PPP1R9A: variants seen among roughly 807,000 people sequenced by gnomAD.
The protein encoded by PPP1R9A is protein phosphatase 1 regulatory subunit 9A, also known as neurabin-1.
A neutral mutation model predicts 141.9 loss-of-function variants in PPP1R9A; 59 were observed. The observed-to-expected ratio is 0.42, with a 90% confidence interval of 0.34 to 0.52. The LOEUF is 0.52. PPP1R9A is among the 20% of genes least tolerant of loss of function. PPP1R9A has a pLI of 0.10. For missense variants in PPP1R9A, 1,444 were observed against 1,611.9 expected (o/e 0.90, Z 1.78); for synonymous variants, 500 against 569.7 (o/e 0.88, Z 1.74).
chr7:95,053,927 T>C (rs1419643484), intron 2 of PPP1R9A, among the ~76,000 whole-genome samples: 1 of 152,044 alleles, frequency 6.6e-6, no homozygotes, highest in Non-Finnish European at 1.5e-5. Flanking sequence ...CTATTGAAGA[T>C]AGGAAAGATC....
At chr7:95,027,457 T>C (rs1807036551) in intron 2 of PPP1R9A, among the ~76,000 whole-genome samples, 1 of 152,116 alleles carries the variant, frequency 6.6e-6, no homozygotes, top group Non-Finnish European at 1.5e-5. Flanking sequence ...TGTACCTCGG[T>C]TGGAAATGCA....
At position 95,284,294 on chromosome 7, in the gene PPP1R9A, T is replaced by G; in HGVS notation, c.3573T>G (p.Ser1191=). The stretch of plus-strand genomic sequence containing the variant: ...CTTCTTCAATCTTTGGAAGGCATTC[T>G]CAACTTATGTCTGTAGTCTGGATCC... ...PSSSSIFGRH[S]QLMSVVWIQE... The change falls in exon 17 of 20, where the codon TCT becomes TCG. Residue 1191 remains serine (S), a synonymous_variant. Coordinates refer to ENST00000433360, the MANE Select transcript of PPP1R9A (RefSeq NM_001166160.2). 1.3e-6 allele frequency: 2 copies of G among 1,549,370 alleles called. No homozygotes were observed. The highest frequency in any genetic ancestry group is 1.8e-6 in the Non-Finnish European group (2 of 1,141,796).
At chr7:95,059,917 T>C (rs1811996742) in intron 2 of PPP1R9A, among the ~76,000 whole-genome samples, 2 of 152,146 alleles carry the variant, frequency 1.3e-5, no homozygotes, top group Admixed American at 1.3e-4. Context: ...CATCAAGGAC[T>C]CTGAAAAATG....
intron 12 of PPP1R9A, among the ~76,000 whole-genome samples, chr7:95,261,651 G>A (rs1043525377): frequency 6.6e-6 from 1 of 152,038 alleles, no homozygotes; most frequent in African/African-American, 2.4e-5. Flanking sequence ...GAAAGTCACT[G>A]TTGAGGGATT....
chr7:95,039,213 A>C (rs1808864969), intron 2 of PPP1R9A, among the ~76,000 whole-genome samples: 1 of 152,194 alleles, frequency 6.6e-6, no homozygotes, highest in Non-Finnish European at 1.5e-5. Flanking sequence ...CTCTAATTTA[A>C]GAAGTAGACA....
chr7:95,007,430 G>C (rs535100261), intron 2 of PPP1R9A, among the ~76,000 whole-genome samples: 16 of 152,242 alleles, frequency 1.1e-4, no homozygotes, highest in African/African-American at 3.6e-4. Flanking sequence ...ATGTCCTCTG[G>C]AGGGCAAAAT....
chr7:95,009,475 A>C (rs568532839), intron 2 of PPP1R9A, among the ~76,000 whole-genome samples: 1 of 152,264 alleles, frequency 6.6e-6, no homozygotes, highest in African/African-American at 2.4e-5. Flanking sequence ...GTAGTAGGGA[A>C]GTTTTGAGTT....
At chr7:95,164,905 T>G (rs1369732581) in intron 5 of PPP1R9A, among the ~76,000 whole-genome samples, 1 of 152,022 alleles carries the variant, frequency 6.6e-6, no homozygotes, top group Non-Finnish European at 1.5e-5. Flanking sequence ...AAAAGGAACA[T>G]CAAATTTAAT....
chr7:95,027,315 C>T (rs138390282), intron 2 of PPP1R9A, among the ~76,000 whole-genome samples: 2,424 of 152,268 alleles, frequency 0.016, 58 homozygotes, highest in African/African-American at 0.055. Flanking sequence ...CAGTCCCTCA[C>T]GGCTTCCCTT....
chr7:95,242,245 TACTC>T (rs1193448268), intron 8 of PPP1R9A, among the ~76,000 whole-genome samples: 1 of 152,166 alleles, frequency 6.6e-6, no homozygotes, highest in Non-Finnish European at 1.5e-5. Flanking sequence ...ATCACTCAAA[TACTC>T]ACAAAGATAA....
intron 2 of PPP1R9A, among the ~76,000 whole-genome samples, chr7:95,076,653 T>A (rs1444950762): frequency 6.6e-6 from 1 of 152,134 alleles, no homozygotes; most frequent in Non-Finnish European, 1.5e-5. Flanking sequence ...AAACTTAAAC[T>A]TTTTTGTCAT....
chr7:94,932,377 A>C (rs1309822397), intron 2 of PPP1R9A, among the ~76,000 whole-genome samples: 1 of 152,228 alleles, frequency 6.6e-6, no homozygotes. Flanking sequence ...AAAACATTTC[A>C]AACATTTATT....
chr7:95,151,902 A>G (rs1224304261), intron 4 of PPP1R9A, among the ~76,000 whole-genome samples: 1 of 150,598 alleles, frequency 6.6e-6, no homozygotes, highest in African/African-American at 2.4e-5. Flanking sequence ...TTTTACATTA[A>G]TAAAGGAAGT....
chr7:94,910,428 T>A lies in PPP1R9A; in HGVS notation c.315T>A (p.Phe105Leu). 6.2e-7 allele frequency: 1 copy of A among 1,614,146 alleles called. No homozygotes were observed. Among genetic ancestry groups the A allele is most frequent in the Non-Finnish European group, 8.5e-7 (1 of 1,180,024 alleles). The change falls in exon 2 of 20, where the codon TTT (phenylalanine) becomes TTA (leucine). Residue 105 changes from phenylalanine to leucine, a missense_variant. Coordinates refer to ENST00000433360, the MANE Select transcript of PPP1R9A (RefSeq NM_001166160.2). The surrounding 1 kb of genome is among the most constrained non-coding windows in gnomAD (Gnocchi z 4.5). ...SPQRRMKPKE[F>L]LEKTDGSVVK... is the part of the protein sequence containing the mutation. ...AGAGAAGAATGAAGCCCAAAGAATT[T>A]CTGGAAAAAACAGATGGCTCAGTTG...
intron 5 of PPP1R9A, among the ~76,000 whole-genome samples, chr7:95,195,812 G>T (rs564031594): frequency 1.4e-4 from 22 of 152,030 alleles, no homozygotes; most frequent in Admixed American, 1.0e-3. Context: ...GCACTTTGGG[G>T]GGCCAAAGTG....
chr7:94,975,338 A>C (rs576370296), intron 2 of PPP1R9A, among the ~76,000 whole-genome samples: 46 of 144,858 alleles, frequency 3.2e-4, no homozygotes, highest in African/African-American at 9.9e-4. Context: ...ACCTCTGGAC[A>C]GGCTGTAGTT....
At chr7:95,132,036 A>G (rs1308539562) in intron 4 of PPP1R9A, among the ~76,000 whole-genome samples, 2 of 152,064 alleles carry the variant, frequency 1.3e-5, no homozygotes, top group East Asian at 3.9e-4. Flanking sequence ...TTGTGCATTG[A>G]TTTTGTCTCT....
intron 2 of PPP1R9A, among the ~76,000 whole-genome samples, chr7:94,939,206 A>G (rs992169271): frequency 6.6e-6 from 1 of 152,160 alleles, no homozygotes; most frequent in African/African-American, 2.4e-5. Context: ...TCATCTAGGA[A>G]AAGGGATAAT....
intron 2 of PPP1R9A, among the ~76,000 whole-genome samples, chr7:95,091,319 C>G (rs1444764404): frequency 1.5e-5 from 2 of 132,482 alleles, no homozygotes; most frequent in East Asian, 4.2e-4. Flanking sequence ...TGGTCTGTCT[C>G]TTTGCCTTGT....
Sources: allele counts gnomAD v4.1 joint callset (sites outside exome capture counted in the v4.1 genomes callset), GRCh38; gene constraint gnomAD v4.1.1; non-coding constraint Gnocchi (gnomAD v3.1); transcripts MANE v1.5; gene names NCBI Gene and HGNC (gene_info 2026-07-23, HGNC 2026-07-21).